DIAPH3: variants seen among roughly 807,000 people sequenced by gnomAD.
DIAPH3 encodes the protein protein diaphanous homolog 3.
Under a neutral mutation model 144.3 loss-of-function variants are expected in DIAPH3, and 117 were observed. That is an observed-to-expected ratio of 0.81 (90% CI 0.70 to 0.95). DIAPH3 has a LOEUF of 0.95. Among genes scored for constraint, DIAPH3 ranks in the 40% least tolerant of loss-of-function variants. The pLI is 0.00. For missense variants in DIAPH3, 1,421 were observed against 1,412.7 expected (o/e 1.01, Z -0.09); for synonymous variants, 519 against 488.9 (o/e 1.06, Z -0.81).
chr13:59,916,158 A>G lies in DIAPH3; in HGVS notation c.2262T>C (p.Ile754=). The G allele has an allele frequency of 1.2e-6, 2 of 1,612,068 alleles. No homozygotes were observed. The highest frequency in any genetic ancestry group is 1.7e-6 in the Non-Finnish European group (2 of 1,178,390). The change falls in exon 19 of 28, where the codon ATT becomes ATC. Residue 754 remains isoleucine (I), a synonymous_variant. Transcript: ENST00000400324. Reference sequence around the variant, plus strand: ...TAAGCTGTGCCTGTTTGTTTACCTGAATCATAGACTCTGCCAACCGTGTTT... The same window carrying G: ...TAAGCTGTGCCTGTTTGTTTACCTGGATCATAGACTCTGCCAACCGTGTTT... ...VDETRLAESM[I]QNLIKHLPDQ... is the part of the protein sequence containing the mutation.
intron 27 of DIAPH3, among the ~76,000 whole-genome samples, chr13:59,722,101 G>T (rs1034353691): frequency 2.0e-5 from 3 of 152,138 alleles, no homozygotes; most frequent in African/African-American, 7.2e-5. Context: ...CCCTGTCAAA[G>T]GTTCTGCATT....
chr13:59,821,593 T>C (rs1460773238), intron 24 of DIAPH3, among the ~76,000 whole-genome samples: 1 of 152,128 alleles, frequency 6.6e-6, no homozygotes, highest in Middle Eastern at 3.2e-3. Context: ...GGTAACTAAA[T>C]GTAAAAATGT....
At chr13:60,107,695 G>A in intron 3 of DIAPH3, among the ~76,000 whole-genome samples, 1 of 152,150 alleles carries the variant, frequency 6.6e-6, no homozygotes, top group East Asian at 1.9e-4. Context: ...TTACAAAAAA[G>A]CCTGATAAAC....
At chr13:59,846,798 G>T (rs945356408) in intron 22 of DIAPH3, among the ~76,000 whole-genome samples, 1 of 152,132 alleles carries the variant, frequency 6.6e-6, no homozygotes, top group Non-Finnish European at 1.5e-5. Flanking sequence ...CTGTGCTGCC[G>T]GGTGCAGTGG....
At chr13:59,860,120 C>T (rs1308540575) in intron 22 of DIAPH3, among the ~76,000 whole-genome samples, 1 of 152,094 alleles carries the variant, frequency 6.6e-6, no homozygotes. Flanking sequence ...CAATCACATG[C>T]TTCTTTGTCA....
chr13:59,676,649 A>G (rs781506992), intron 27 of DIAPH3, among the ~76,000 whole-genome samples: 9 of 152,210 alleles, frequency 5.9e-5, no homozygotes, highest in Non-Finnish European at 1.2e-4. Flanking sequence ...GCAAAACAAT[A>G]TTCACTTAGT....
chr13:59,715,114 T>C (rs2034983968), intron 27 of DIAPH3, among the ~76,000 whole-genome samples: 1 of 152,142 alleles, frequency 6.6e-6, no homozygotes, highest in Non-Finnish European at 1.5e-5. Context: ...CAGCATATGG[T>C]TGTACTCCTC....
chr13:60,011,430 C>G (rs1012254772), intron 7 of DIAPH3, among the ~76,000 whole-genome samples: 2 of 152,044 alleles, frequency 1.3e-5, no homozygotes, highest in Non-Finnish European at 2.9e-5. Flanking sequence ...ATAATGTAAA[C>G]CACATGAGTA....
At chr13:59,798,690 A>G (rs1204240464) in intron 25 of DIAPH3, among the ~76,000 whole-genome samples, 1 of 152,164 alleles carries the variant, frequency 6.6e-6, no homozygotes, top group African/African-American at 2.4e-5. Context: ...TAGTACAGGA[A>G]CCACCCATGT....
intron 8 of DIAPH3, among the ~76,000 whole-genome samples, chr13:60,009,641 T>G (rs868145994): frequency 5.3e-5 from 8 of 152,308 alleles, no homozygotes; most frequent in Middle Eastern, 3.4e-3. Context: ...CAACACCTCT[T>G]CTATAGATAA....
intron 22 of DIAPH3, among the ~76,000 whole-genome samples, chr13:59,845,013 CTCTTT>C (rs1052146040): frequency 6.7e-6 from 1 of 150,258 alleles, no homozygotes; most frequent in Non-Finnish European, 1.5e-5. Flanking sequence ...TTTTTTCTTT[CTCTTT>C]TTTTTTGAGA....
chr13:59,874,550 C>T (rs2044486891), intron 21 of DIAPH3, among the ~76,000 whole-genome samples: 1 of 152,132 alleles, frequency 6.6e-6, no homozygotes, highest in Non-Finnish European at 1.5e-5. Flanking sequence ...GCACCTACTC[C>T]TCAACGCCCA....
At chr13:60,005,684 T>C (rs546992090) in intron 9 of DIAPH3, among the ~76,000 whole-genome samples, 288 of 152,242 alleles carry the variant, frequency 1.9e-3, no homozygotes, top group Middle Eastern at 3.4e-3. Flanking sequence ...GGTTTCACCA[T>C]GTTAGCCAGG....
Position 59,743,304 on chromosome 13 carries a change from A to G in DIAPH3, c.3319+30885T>C, listed in dbSNP as rs17057163. Among the ~76,000 whole-genome samples, 338 of 152,290 alleles carry G rather than the reference A, an allele frequency of 2.2e-3. 1 individual carries two copies. The highest frequency in any genetic ancestry group is 6.1e-3 in the African/African-American group (255 of 41,568). ...AGATAAAGCAGTGGCACTCAAAGAG[A>G]CGGAAGACCAGACTTGAGCAACCTT... On this transcript the variant is annotated intron_variant, in intron 27 of 27. Coordinates refer to ENST00000400324, the MANE Select transcript of DIAPH3 (RefSeq NM_001042517.2).
At chr13:59,741,332 C>T (rs2036433321) in intron 27 of DIAPH3, among the ~76,000 whole-genome samples, 1 of 152,146 alleles carries the variant, frequency 6.6e-6, no homozygotes, top group African/African-American at 2.4e-5. Flanking sequence ...AAAAATTATA[C>T]TCTTGCAGCA....
intron 5 of DIAPH3, among the ~76,000 whole-genome samples, chr13:60,031,235 TG>T (rs1300003897): frequency 6.6e-6 from 1 of 151,196 alleles, no homozygotes; most frequent in African/African-American, 2.4e-5. Flanking sequence ...GGAGAGGGGG[TG>T]GGGAGGCAAA....
In DIAPH3 at chr13:59,669,533, G is replaced by T. The variant is rs139915784; in HGVS notation, c.3320-2687C>A. On this transcript the variant is annotated intron_variant, in intron 27 of 27. Transcript: ENST00000400324. ...TCCTGTTAGGATGAATCAACCTTCC[G>T]AGCTCCCCTCTGAGGACAGCCCTCA... Among the ~76,000 whole-genome samples the T allele has an allele frequency of 1.5e-4, 23 of 152,162 alleles. No homozygotes were observed. In the Middle Eastern group the frequency reaches 0.01, roughly 68 times the overall value.
chr13:60,102,258 G>C (rs1364547093), intron 3 of DIAPH3, among the ~76,000 whole-genome samples: 1 of 152,064 alleles, frequency 6.6e-6, no homozygotes, highest in Non-Finnish European at 1.5e-5. Flanking sequence ...AGTTGGTTGA[G>C]TATCAATATG....
At chr13:59,718,370 C>T (rs994873171) in intron 27 of DIAPH3, among the ~76,000 whole-genome samples, 1 of 152,176 alleles carries the variant, frequency 6.6e-6, no homozygotes, top group Non-Finnish European at 1.5e-5. Flanking sequence ...GAAAGAAAAT[C>T]AGATGTTTAG....
Sources: allele counts gnomAD v4.1 joint callset (sites outside exome capture counted in the v4.1 genomes callset), GRCh38; gene constraint gnomAD v4.1.1; transcripts MANE v1.5; gene names NCBI Gene and HGNC (gene_info 2026-07-23, HGNC 2026-07-21).